RBMS3: variants seen among roughly 807,000 people sequenced by gnomAD.
RBMS3 encodes RNA binding motif single stranded interacting protein 3, also known as RNA-binding motif, single-stranded-interacting protein 3.
In RBMS3, 27 loss-of-function variants were observed where a neutral mutation model predicts 66.8. The ratio of observed to expected loss-of-function variants is 0.40; its 90% CI spans 0.30 to 0.56. The LOEUF (loss-of-function observed/expected upper bound fraction) is 0.56. Ranked by LOEUF, RBMS3 falls within the 20% of genes least tolerant of loss-of-function variation. The pLI is 0.40. For missense variants in RBMS3, 513 were observed against 549.5 expected (o/e 0.93, Z 0.66); for synonymous variants, 188 against 183.0 (o/e 1.03, Z -0.22).
chr3:29,895,931 C>CT (rs1172654355), intron 8 of RBMS3, among the ~76,000 whole-genome samples: 1 of 150,228 alleles, frequency 6.7e-6, no homozygotes, highest in African/African-American at 2.4e-5. Context: ...TGTATTTTCT[C>CT]TTTTTGTCAT....
intron 4 of RBMS3, among the ~76,000 whole-genome samples, chr3:29,628,835 T>C (rs1055872181): frequency 4.6e-5 from 7 of 152,152 alleles, no homozygotes; most frequent in African/African-American, 1.2e-4. Context: ...CAAATTAAGG[T>C]AAATCATTCT....
At chr3:29,518,486 C>T (rs555485896) in intron 3 of RBMS3, among the ~76,000 whole-genome samples, 1 of 152,152 alleles carries the variant, frequency 6.6e-6, no homozygotes, top group Non-Finnish European at 1.5e-5. Context: ...ATGTGCATGG[C>T]TATCTCCTGA....
intron 6 of RBMS3, among the ~76,000 whole-genome samples, chr3:29,822,615 C>T (rs916366375): frequency 6.6e-6 from 1 of 152,102 alleles, no homozygotes; most frequent in Non-Finnish European, 1.5e-5. Flanking sequence ...TATCCAATGA[C>T]AATTTATGCC....
At chr3:29,574,432 T>C (rs980462612) in intron 3 of RBMS3, among the ~76,000 whole-genome samples, 1 of 152,148 alleles carries the variant, frequency 6.6e-6, no homozygotes, top group Non-Finnish European at 1.5e-5. Flanking sequence ...TTTCCATCCC[T>C]TTATTTTCAG....
At chr3:29,656,534 A>G (rs989796508) in intron 4 of RBMS3, among the ~76,000 whole-genome samples, 1 of 152,212 alleles carries the variant, frequency 6.6e-6, no homozygotes, top group Non-Finnish European at 1.5e-5. Context: ...CATGTGTTAG[A>G]CCAGATCTCT....
intron 4 of RBMS3, among the ~76,000 whole-genome samples, chr3:29,600,340 A>G (rs2149115419): frequency 6.6e-6 from 1 of 152,160 alleles, no homozygotes; most frequent in East Asian, 1.9e-4. Flanking sequence ...CCTAACAGTA[A>G]TAAATGAGAT....
chr3:29,913,203 T>C (rs1559794345), intron 10 of RBMS3, among the ~76,000 whole-genome samples: 1 of 151,972 alleles, frequency 6.6e-6, no homozygotes, highest in Non-Finnish European at 1.5e-5. Flanking sequence ...ATGTGGACCA[T>C]GAGAATTTAA....
At chr3:29,391,006 C>G in intron 1 of RBMS3, 1 of 354,016 alleles carries the variant, frequency 2.8e-6, no homozygotes, top group East Asian at 5.2e-5. Context: ...TGTTTACATT[C>G]AACTGTAATG....
chr3:29,402,153 C>G (rs1188823014), intron 1 of RBMS3, among the ~76,000 whole-genome samples: 2 of 151,988 alleles, frequency 1.3e-5, no homozygotes, highest in Admixed American at 6.6e-5. Context: ...ATATTGAAGA[C>G]TAGGCTTGTG....
rs1481485845 is a variant in RBMS3 at position 29,991,124 on chromosome 3, T to G, written c.1222T>G (p.Ser408Ala). 2 of 1,613,986 alleles carry G rather than the reference T, an allele frequency of 1.2e-6. No homozygotes were observed. Among genetic ancestry groups the G allele is most frequent in the Admixed American group, 1.7e-5 (1 of 60,000 alleles). Residue 408 changes from serine (S) to alanine (A), a missense_variant, in exon 14 of 15, where the codon TCC (serine) becomes GCC (alanine). By Grantham distance (99) the Ser-to-Ala change is moderately conservative. Transcript: ENST00000383767. ...CTCTCCCCAGACAGTGGCACCTTCA[T>G]CCCAGGACACCAGTGGTCAGCAGCA... Reference protein sequence around the residue: ...DTSPQTVAPSSQDTSGQQQQI... With the variant: ...DTSPQTVAPSAQDTSGQQQQI...
chr3:29,531,417 A>G (rs1438561247), intron 3 of RBMS3, among the ~76,000 whole-genome samples: 1 of 152,064 alleles, frequency 6.6e-6, no homozygotes, highest in African/African-American at 2.4e-5. Flanking sequence ...TCAACTAATG[A>G]CTCCATGGTG....
intron 1 of RBMS3, among the ~76,000 whole-genome samples, chr3:29,366,930 T>G (rs756709739): frequency 3.3e-5 from 5 of 152,162 alleles, no homozygotes; most frequent in Non-Finnish European, 7.4e-5. Flanking sequence ...CTTGATCAAG[T>G]AATCAAAACA....
At chr3:29,611,531 T>C (rs2149134166) in intron 4 of RBMS3, among the ~76,000 whole-genome samples, 1 of 151,950 alleles carries the variant, frequency 6.6e-6, no homozygotes, top group African/African-American at 2.4e-5. Flanking sequence ...TTGCATACTG[T>C]ACAAAGCAAT....
chr3:29,762,099 A>C (rs79787241), intron 5 of RBMS3, among the ~76,000 whole-genome samples: 3,591 of 152,254 alleles, frequency 0.024, 56 homozygotes, highest in Middle Eastern at 0.034. Context: ...TATGGCTCAA[A>C]ATGTTCATGC....
chr3:29,856,357 G>A (rs2059076892), intron 6 of RBMS3, among the ~76,000 whole-genome samples: 2 of 152,324 alleles, frequency 1.3e-5, no homozygotes, highest in Non-Finnish European at 2.9e-5. Flanking sequence ...AGAGAAGCCA[G>A]TTCAGAAAGA....
chr3:29,473,427 G>A (rs889859849), intron 2 of RBMS3, among the ~76,000 whole-genome samples: 1 of 152,256 alleles, frequency 6.6e-6, no homozygotes, highest in African/African-American at 2.4e-5. Flanking sequence ...AGACTCAGGA[G>A]CCCAGCTGGC....
At chr3:29,760,704 G>T (rs1026236689) in intron 5 of RBMS3, among the ~76,000 whole-genome samples, 3 of 151,580 alleles carry the variant, frequency 2.0e-5, no homozygotes, top group Non-Finnish European at 2.9e-5. Flanking sequence ...ACAGTAAAAG[G>T]TTCCACTGGA....
intron 12 of RBMS3, among the ~76,000 whole-genome samples, chr3:29,976,328 G>A (rs1200413015): frequency 6.6e-6 from 1 of 152,004 alleles, no homozygotes; most frequent in Admixed American, 6.6e-5. Context: ...TTCACTCCCA[G>A]TAGAAGTATA....
At chr3:29,677,476 T>A (rs1350773237) in intron 4 of RBMS3, among the ~76,000 whole-genome samples, 3 of 152,002 alleles carry the variant, frequency 2.0e-5, no homozygotes, top group South Asian at 4.1e-4. Flanking sequence ...CTTCATTAAT[T>A]TTTTTTTAGA....
Sources: gnomAD v4.1 joint callset for allele counts (sites outside exome capture counted in the v4.1 genomes callset) on GRCh38, gnomAD v4.1.1 for gene constraint, MANE v1.5 for transcripts, NCBI Gene and HGNC (gene_info 2026-07-23, HGNC 2026-07-21) for gene names.